MTUS2: variants seen among roughly 807,000 people sequenced by gnomAD.
The protein encoded by MTUS2 is microtubule-associated tumor suppressor candidate 2.
In MTUS2, 40 loss-of-function variants were observed where a neutral mutation model predicts 114.1. The observed-to-expected ratio is 0.35, with a 90% CI of 0.27 to 0.46. The LOEUF (loss-of-function observed/expected upper bound fraction) is 0.46, where lower values mean the gene tolerates loss of function less well. Among genes scored for constraint, MTUS2 ranks in the 20% least tolerant of loss-of-function variants. The pLI, the probability that MTUS2 is intolerant of heterozygous loss-of-function variation, is 1.00. For missense variants in MTUS2, 1,679 were observed against 1,705.4 expected (o/e 0.98, Z 0.27); for synonymous variants, 688 against 672.0 (o/e 1.02, Z -0.37).
At position 29,251,716 on chromosome 13, in the gene MTUS2, T is replaced by C. The variant is rs73451220; in HGVS notation, c.2645-29988T>C. Among the ~76,000 whole-genome samples the C allele has an allele frequency of 3.4e-3, 518 of 152,368 alleles. 1 individual carries two copies. Among genetic ancestry groups the C allele is most frequent in the African/African-American group, 0.012 (479 of 41,588 alleles). On this transcript the variant is annotated intron_variant, in intron 5 of 15. Coordinates refer to ENST00000612955, the MANE Select transcript of MTUS2 (RefSeq NM_001033602.4). ...GAATGATACAGTATTTGTTCTTTCC[T>C]GAGCATGGTATCTTCAAGGTTCATC...
intron 7 of MTUS2, among the ~76,000 whole-genome samples, chr13:29,337,348 T>G (rs565700526): frequency 6.6e-6 from 1 of 152,268 alleles, no homozygotes; most frequent in South Asian, 2.1e-4. Context: ...CTGGCCCAAA[T>G]GCACCATTCC....
chr13:29,257,648 T>A (rs1192225866), intron 5 of MTUS2, among the ~76,000 whole-genome samples: 4 of 152,140 alleles, frequency 2.6e-5, no homozygotes, highest in African/African-American at 9.7e-5. Flanking sequence ...ATAATTTATA[T>A]CTTAGAAAGA....
intron 5 of MTUS2, among the ~76,000 whole-genome samples, chr13:29,236,449 A>C (rs1049990151): frequency 6.6e-6 from 1 of 152,246 alleles, no homozygotes; most frequent in Non-Finnish European, 1.5e-5. Context: ...CCTAGGCAAG[A>C]ACCTAGAAAG....
At chr13:29,300,090 T>G (rs1028665101) in intron 6 of MTUS2, among the ~76,000 whole-genome samples, 2 of 152,182 alleles carry the variant, frequency 1.3e-5, no homozygotes, top group Admixed American at 1.3e-4. Context: ...AAAGATCCAT[T>G]TATCTTTCTC....
At chr13:29,313,879 C>T (rs1899876776) in intron 6 of MTUS2, among the ~76,000 whole-genome samples, 1 of 152,060 alleles carries the variant, frequency 6.6e-6, no homozygotes, top group Non-Finnish European at 1.5e-5. Flanking sequence ...TCAGTAGCAA[C>T]CCTGGAAGTT....
chr13:28,981,195 C>T (rs766777607), intron 2 of MTUS2, among the ~76,000 whole-genome samples: 1 of 151,948 alleles, frequency 6.6e-6, no homozygotes, highest in Admixed American at 6.6e-5. Context: ...TATATTTTAC[C>T]ACAATATAAA....
At chr13:29,062,416 T>C (rs1401448505) in intron 4 of MTUS2, among the ~76,000 whole-genome samples, 2 of 152,216 alleles carry the variant, frequency 1.3e-5, no homozygotes, top group Non-Finnish European at 2.9e-5. Flanking sequence ...ACTTTGGCTA[T>C]TCTCATACCT....
At chr13:28,959,750 G>A (rs1883235629) in intron 2 of MTUS2, among the ~76,000 whole-genome samples, 1 of 152,126 alleles carries the variant, frequency 6.6e-6, no homozygotes, top group Non-Finnish European at 1.5e-5. Context: ...CATTCATGAG[G>A]GATCTGTCCC....
chr13:29,157,955 AT>A (rs1892933950), intron 5 of MTUS2, among the ~76,000 whole-genome samples: 1 of 152,316 alleles, frequency 6.6e-6, no homozygotes, highest in East Asian at 1.9e-4. Flanking sequence ...CAAAATAGAA[AT>A]GGAGAAAGGA....
chr13:29,247,545 C>T (rs1593219050), intron 5 of MTUS2, among the ~76,000 whole-genome samples: 1 of 152,048 alleles, frequency 6.6e-6, no homozygotes, highest in African/African-American at 2.4e-5. Context: ...ACAAGGGACT[C>T]AAACAAATCA....
At chr13:29,111,546 A>G (rs1890884236) in intron 5 of MTUS2, among the ~76,000 whole-genome samples, 1 of 152,196 alleles carries the variant, frequency 6.6e-6, no homozygotes, top group Non-Finnish European at 1.5e-5. Flanking sequence ...CAGAGGTCAC[A>G]TTTTGTCACA....
intron 2 of MTUS2, among the ~76,000 whole-genome samples, chr13:28,896,623 G>A (rs879842155): frequency 6.6e-6 from 1 of 152,180 alleles, no homozygotes; most frequent in African/African-American, 2.4e-5. Flanking sequence ...AACAAAGCTG[G>A]TGGCGTCACG....
intron 4 of MTUS2, among the ~76,000 whole-genome samples, chr13:29,089,802 T>G (rs1350775357): frequency 6.6e-6 from 1 of 152,230 alleles, no homozygotes; most frequent in African/African-American, 2.4e-5. Context: ...TTCAGTTTGG[T>G]TCTTTCTTAA....
At position 28,945,443 on chromosome 13, in the gene MTUS2, C is replaced by T. The variant is rs569509486; in HGVS notation, c.-242-79014C>T. Among the ~76,000 whole-genome samples the T allele has an allele frequency of 9.2e-5, 14 of 152,244 alleles. No homozygotes were observed. The South Asian group carries it at 2.7e-3, about 29-fold the overall frequency. ...CAGAGGTTGTACTAATTTACATTCC[C>T]ACTGGCAGTGTATAAGTGTTTCCCT... On this transcript the variant is annotated intron_variant, in intron 2 of 15. Transcript: ENST00000612955.
intron 9 of MTUS2, among the ~76,000 whole-genome samples, chr13:29,463,753 C>T (rs917730593): frequency 6.6e-6 from 1 of 152,200 alleles, no homozygotes; most frequent in Admixed American, 6.5e-5. Context: ...AATCCCAGCA[C>T]TTCGGGGGGC....
chr13:29,103,092 A>T (rs1307111907), intron 5 of MTUS2, among the ~76,000 whole-genome samples: 1 of 152,188 alleles, frequency 6.6e-6, no homozygotes, highest in Non-Finnish European at 1.5e-5. Context: ...CTTTTTGCAG[A>T]CATTATTTTC....
At chr13:29,020,874 A>G (rs1886265407) in intron 2 of MTUS2, among the ~76,000 whole-genome samples, 1 of 152,056 alleles carries the variant, frequency 6.6e-6, no homozygotes, top group African/African-American at 2.4e-5. Flanking sequence ...AGGGGATGTG[A>G]AGACCTGTCT....
intron 2 of MTUS2, among the ~76,000 whole-genome samples, chr13:28,858,322 G>A (rs1876763480): frequency 6.6e-6 from 1 of 152,144 alleles, no homozygotes; most frequent in South Asian, 2.1e-4. Flanking sequence ...AAAAAAGCAT[G>A]GAATTGCAAA....
At chr13:28,945,648 C>T (rs534744596) in intron 2 of MTUS2, among the ~76,000 whole-genome samples, 2 of 152,136 alleles carry the variant, frequency 1.3e-5, no homozygotes, top group Admixed American at 6.5e-5. Context: ...CTGTTCATAT[C>T]CTTTGCCCAC....
Sources: allele counts gnomAD v4.1 joint callset (sites outside exome capture counted in the v4.1 genomes callset), GRCh38; gene constraint gnomAD v4.1.1; transcripts MANE v1.5; gene names NCBI Gene and HGNC (gene_info 2026-07-23, HGNC 2026-07-21).